The following PITPNM3 variants were observed in gnomAD, a reference collection of about 807,000 sequenced individuals.
PITPNM3 encodes the protein PITPNM family member 3, also known as membrane-associated phosphatidylinositol transfer protein 3.
A neutral mutation model predicts 102.0 loss-of-function variants in PITPNM3; 26 were observed. The ratio of observed to expected loss-of-function variants is 0.25; its 90% CI spans 0.19 to 0.35. The LOEUF is 0.35. Ranked by LOEUF, PITPNM3 falls within the 10% of genes least tolerant of loss-of-function variation. The pLI is 1.00. For synonymous variants in PITPNM3, 578 were observed against 558.6 expected, an observed-to-expected ratio of 1.03 and a Z score of -0.49; for missense variants, 1,083 against 1,346.1, an observed-to-expected ratio of 0.80 and a Z score of 3.06.
At position 6,556,334 on chromosome 17, in the gene PITPNM3, G is replaced by T; in HGVS notation, c.22+51C>A. The T allele has an allele frequency of 7.2e-7, 1 of 1,386,380 alleles. No homozygotes were observed. Among genetic ancestry groups the T allele is most frequent in the Non-Finnish European group, 9.4e-7 (1 of 1,060,688 alleles). 85.9% of individuals were successfully genotyped at this position (1,386,380 alleles called of 1,614,324 possible). A position where few individuals can be genotyped will look rare whatever the true frequency, so the allele number is the denominator to read the frequency against. On this transcript the variant is annotated intron_variant, in intron 1 of 19. Coordinates refer to ENST00000262483, the MANE Select transcript of PITPNM3 (RefSeq NM_031220.4). The surrounding 1 kb of genome is among the most constrained non-coding windows in gnomAD (Gnocchi z 5.2). ...GGCCGGCGGCCCCTCCTCTAGACGCGCGAGTCCCTCCCCCGGGCCCCGGCC... is the reference window on the plus strand; with the variant it reads ...GGCCGGCGGCCCCTCCTCTAGACGCTCGAGTCCCTCCCCCGGGCCCCGGCC...
In PITPNM3 at chr17:6,455,500, G is replaced by T; in HGVS notation, c.2763C>A (p.Asn921Lys). The T allele has an allele frequency of 6.2e-7, 1 of 1,606,166 alleles. No individual in the cohort carries two copies. ...HAQPEFLRKR[N>K]HLRRTMSVQQ... Reference sequence around the variant, plus strand: ...GCACTGACATGGTTCTGCGCAGGTGGTTGCGCTTCCGCAGGAACTCTGGCT... The same window carrying T: ...GCACTGACATGGTTCTGCGCAGGTGTTTGCGCTTCCGCAGGAACTCTGGCT... The change falls in exon 20 of 20, where the codon AAC becomes AAA. Residue 921 changes from asparagine (N) to lysine (K), a missense_variant. Transcript: ENST00000262483.
intron 2 of PITPNM3, among the ~76,000 whole-genome samples, chr17:6,529,067 G>GT (rs1389945210): frequency 2.0e-5 from 3 of 152,076 alleles, no homozygotes; most frequent in Non-Finnish European, 4.4e-5. Context: ...TTCGGACATG[G>GT]TTTTAGCATG....
Position 6,473,250 on chromosome 17 carries a change from A to G in PITPNM3, c.1259-423T>C, listed in dbSNP as rs572838075. 139 of 293,482 alleles carry G rather than the reference A, an allele frequency of 4.7e-4. 1 individual carries two copies. Among genetic ancestry groups the G allele is most frequent in the African/African-American group, 2.7e-3 (122 of 45,724 alleles). The allele number at this position is 293,482 out of a possible 1,614,324, so 18.2% of individuals were successfully genotyped here. On this transcript the variant is annotated intron_variant, in intron 10 of 19. Coordinates refer to ENST00000262483, the MANE Select transcript of PITPNM3 (RefSeq NM_031220.4). ...TGCCCCTTCCACAGGCCTCAAGGCTATAAACACTCAGTTCCCAGGCCTGCT... is the reference window on the plus strand; with the variant it reads ...TGCCCCTTCCACAGGCCTCAAGGCTGTAAACACTCAGTTCCCAGGCCTGCT...
intron 2 of PITPNM3, 112 bp from the exon 3 acceptor site, chr17:6,525,575 G>A: frequency 1.3e-6 from 1 of 787,934 alleles, no homozygotes; most frequent in Non-Finnish European, 2.2e-6. Flanking sequence ...TCCTTGAGTT[G>A]AGGTACACCT....
intron 1 of PITPNM3, among the ~76,000 whole-genome samples, chr17:6,539,925 A>G (rs908752856): frequency 2.0e-5 from 3 of 152,210 alleles, no homozygotes; most frequent in Non-Finnish European, 4.4e-5. Context: ...GTAGCAACAA[A>G]GTCAGCTGAG....
intron 9 of PITPNM3, among the ~76,000 whole-genome samples, chr17:6,475,382 C>T (rs1905257822): frequency 6.6e-6 from 1 of 152,222 alleles, no homozygotes; most frequent in South Asian, 2.1e-4. Context: ...ACCTCCCTGA[C>T]CTTCCAGCTA....
chr17:6,544,655 C>CTCACACACACAT (rs1555562205), intron 1 of PITPNM3, among the ~76,000 whole-genome samples: 950 of 13,936 alleles, frequency 0.068, 4 homozygotes, highest in Admixed American at 0.1. Context: ...CTCTCTCTCT[C>CTCACACACACAT]ACACACACAC....
At chr17:6,494,878 T>G (rs1906708673) in intron 4 of PITPNM3, among the ~76,000 whole-genome samples, 1 of 152,052 alleles carries the variant, frequency 6.6e-6, no homozygotes, top group African/African-American at 2.4e-5. Context: ...CACCTATATG[T>G]CCACCAGTAG....
chr17:6,511,125 T>C (rs1235085989), intron 3 of PITPNM3, among the ~76,000 whole-genome samples: 1 of 152,226 alleles, frequency 6.6e-6, no homozygotes, highest in Non-Finnish European at 1.5e-5. Flanking sequence ...GATAGGAAAC[T>C]TACTAACTCT....
At chr17:6,555,544 C>A (rs535699884) in intron 1 of PITPNM3, among the ~76,000 whole-genome samples, 6 of 152,306 alleles carry the variant, frequency 3.9e-5, no homozygotes, top group Admixed American at 3.9e-4. Flanking sequence ...GCACAGCTGT[C>A]CTCCACCCGC....
At chr17:6,509,491 C>T (rs1485146209) in intron 3 of PITPNM3, among the ~76,000 whole-genome samples, 1 of 152,220 alleles carries the variant, frequency 6.6e-6, no homozygotes, top group East Asian at 1.9e-4. Flanking sequence ...GAGACAGGAG[C>T]CGCTGAAGCC....
chr17:6,498,925 C>A (rs1907002142), intron 4 of PITPNM3, among the ~76,000 whole-genome samples: 1 of 152,096 alleles, frequency 6.6e-6, no homozygotes, highest in South Asian at 2.1e-4. Flanking sequence ...ATGAACAAGG[C>A]AGAAACAGAA....
chr17:6,533,533 C>T (rs796153025), intron 2 of PITPNM3, among the ~76,000 whole-genome samples: 2 of 152,162 alleles, frequency 1.3e-5, no homozygotes, highest in African/African-American at 2.4e-5. Flanking sequence ...CGGCTCACTG[C>T]AACCTCTGCC....
rs75212487 is a variant in PITPNM3, at chr17:6,535,155, G to A, written c.118+2832C>T. On this transcript the variant is annotated intron_variant, in intron 2 of 19. Transcript: ENST00000262483. ...AGAGTTGGAACTGTTGAGGCCACAGGATGCCAGGCCATGCTCAAGCGGAAG... is the reference window on the plus strand; with the variant it reads ...AGAGTTGGAACTGTTGAGGCCACAGAATGCCAGGCCATGCTCAAGCGGAAG... Among the ~76,000 whole-genome samples the A allele has an allele frequency of 1.1e-4, 16 of 152,100 alleles. No homozygotes were observed. The East Asian group carries it at 3.1e-3, about 29-fold the overall frequency.
At chr17:6,540,809 C>A (rs976201242) in intron 1 of PITPNM3, among the ~76,000 whole-genome samples, 1 of 152,292 alleles carries the variant, frequency 6.6e-6, no homozygotes, top group South Asian at 2.1e-4. Flanking sequence ...CAGGTGCCTG[C>A]CACCATGCCC....
intron 3 of PITPNM3, among the ~76,000 whole-genome samples, chr17:6,508,559 A>T (rs1189745991): frequency 6.6e-6 from 1 of 152,098 alleles, no homozygotes; most frequent in Non-Finnish European, 1.5e-5. Flanking sequence ...AAGGCATGGG[A>T]CAGCGAAAGG....
At chr17:6,466,499 G>C (rs375385420) in intron 14 of PITPNM3, among the ~76,000 whole-genome samples, 4 of 152,078 alleles carry the variant, frequency 2.6e-5, no homozygotes, top group Non-Finnish European at 5.9e-5. Context: ...GAAAAGATCC[G>C]GCATCCCGAG....
intron 3 of PITPNM3, among the ~76,000 whole-genome samples, chr17:6,511,573 G>A (rs563650298): frequency 6.6e-6 from 1 of 152,294 alleles, no homozygotes; most frequent in South Asian, 2.1e-4. Context: ...AAAATTTCAA[G>A]ATGGCGACAG....
intron 2 of PITPNM3, among the ~76,000 whole-genome samples, chr17:6,531,400 A>G (rs951500719): frequency 2.0e-5 from 3 of 152,252 alleles, no homozygotes; most frequent in African/African-American, 7.2e-5. Context: ...TTTCATAGCC[A>G]GGAACCCTGG....
Sources: gnomAD v4.1 joint callset for allele counts (sites outside exome capture counted in the v4.1 genomes callset) on GRCh38, gnomAD v4.1.1 for gene constraint, Gnocchi (gnomAD v3.1) non-coding constraint, MANE v1.5 for transcripts, NCBI Gene and HGNC (gene_info 2026-07-23, HGNC 2026-07-21) for gene names.